Variants in ZFHX3 observed in about 807,000 individuals in gnomAD.
ZFHX3 encodes the protein zinc finger homeobox 3.
ZFHX3 carries 42 observed loss-of-function variants against 279.1 expected under a neutral mutation model. That is an observed-to-expected ratio of 0.15 (90% CI 0.12 to 0.19). ZFHX3 has a LOEUF of 0.19. Ranked by LOEUF, ZFHX3 falls within the 10% of genes least tolerant of loss-of-function variation. The pLI is 1.00. For missense variants in ZFHX3, 4,981 were observed against 4,754.0 expected, an observed-to-expected ratio of 1.05 and a Z score of -1.40; for synonymous variants, 2,293 against 1,957.8, an observed-to-expected ratio of 1.17 and a Z score of -4.52.
chr16:73,807,144 A>G (rs984446211), intron 1 of ZFHX3, among the ~76,000 whole-genome samples: 12 of 152,242 alleles, frequency 7.9e-5, no homozygotes, highest in Non-Finnish European at 1.6e-4. Flanking sequence ...AAGAGGCAGC[A>G]GGGACCGCTG....
At chr16:73,430,061 A>T (rs998297113) in intron 3 of ZFHX3, among the ~76,000 whole-genome samples, 37 of 151,382 alleles carry the variant, frequency 2.4e-4, no homozygotes, top group Middle Eastern at 3.4e-3. Flanking sequence ...AATTAAAAAA[A>T]TTTTTTTTTG....
chr16:73,409,530 A>C (rs888929874), intron 3 of ZFHX3, among the ~76,000 whole-genome samples: 37 of 152,240 alleles, frequency 2.4e-4, no homozygotes, highest in Non-Finnish European at 8.8e-5. Flanking sequence ...AATGTAAATT[A>C]GTACAACCAC....
chr16:72,805,911 A>AGAT (rs2036250346), intron 7 of ZFHX3: 1 of 148,432 alleles, frequency 6.7e-6, no homozygotes, highest in Non-Finnish European at 1.5e-5. Context: ...TTTTTTTTTG[A>AGAT]GATAGTCTCA....
At chr16:73,648,852 C>G (rs2052645012) in intron 2 of ZFHX3, among the ~76,000 whole-genome samples, 1 of 152,202 alleles carries the variant, frequency 6.6e-6, no homozygotes, top group Admixed American at 6.5e-5. Context: ...TCTTTTCCTT[C>G]AAAATCACTT....
At chr16:73,707,257 G>A (rs542373761) in intron 1 of ZFHX3, among the ~76,000 whole-genome samples, 9 of 152,232 alleles carry the variant, frequency 5.9e-5, no homozygotes, top group African/African-American at 1.7e-4. Context: ...AGCAAAACAT[G>A]TCTACCCATA....
At chr16:73,199,839 C>T (rs573274696) in intron 5 of ZFHX3, among the ~76,000 whole-genome samples, 1 of 152,212 alleles carries the variant, frequency 6.6e-6, no homozygotes, top group East Asian at 1.9e-4. Flanking sequence ...TGTTATGCTA[C>T]TGAAGTCTAT....
chr16:73,027,436 G>C (rs182312414), intron 1 of ZFHX3, among the ~76,000 whole-genome samples: 1 of 152,148 alleles, frequency 6.6e-6, no homozygotes, highest in South Asian at 2.1e-4. Flanking sequence ...GCATGCAGGC[G>C]GGGTGTTCAA....
chr16:72,857,745 A>C (rs1442288309), intron 4 of ZFHX3, among the ~76,000 whole-genome samples: 1 of 152,252 alleles, frequency 6.6e-6, no homozygotes, highest in East Asian at 1.9e-4. Flanking sequence ...TTCCAAGTTA[A>C]CAAAAGCTGA....
At chr16:72,947,551 G>C (rs1363022618) in intron 3 of ZFHX3, among the ~76,000 whole-genome samples, 3 of 152,154 alleles carry the variant, frequency 2.0e-5, no homozygotes, top group Non-Finnish European at 4.4e-5. Context: ...ACATGAAAAA[G>C]GAACAGGAGG....
chr16:73,049,116 G>A (rs1215798447), upstream of ZFHX3, among the ~76,000 whole-genome samples: 2 of 152,142 alleles, frequency 1.3e-5, no homozygotes, highest in East Asian at 1.9e-4. Flanking sequence ...ATTGCTGGGC[G>A]CCTTCTATCT....
At chr16:73,742,578 G>C (rs2053668898) in intron 1 of ZFHX3, among the ~76,000 whole-genome samples, 1 of 152,192 alleles carries the variant, frequency 6.6e-6, no homozygotes, top group African/African-American at 2.4e-5. Flanking sequence ...TTGGAGGGGT[G>C]AGGGTAGATA....
intron 1 of ZFHX3, among the ~76,000 whole-genome samples, chr16:73,032,606 A>C (rs1302943586): frequency 6.6e-6 from 1 of 152,142 alleles, no homozygotes; most frequent in East Asian, 1.9e-4. Context: ...TTTCCTCTTC[A>C]GTGCTCTTCA....
At chr16:72,822,424 C>A (rs1459101859) in intron 5 of ZFHX3, among the ~76,000 whole-genome samples, 2 of 152,198 alleles carry the variant, frequency 1.3e-5, no homozygotes, top group African/African-American at 4.8e-5. Context: ...AGTTCCCAAT[C>A]TGTGAGGCTT....
At chr16:73,200,799 T>C (rs1459664525) in intron 5 of ZFHX3, among the ~76,000 whole-genome samples, 1 of 152,190 alleles carries the variant, frequency 6.6e-6, no homozygotes, top group Non-Finnish European at 1.5e-5. Context: ...TATTTAGCAT[T>C]TGAATATTTT....
chr16:73,864,517 G>A (rs540649151), intron 1 of ZFHX3, among the ~76,000 whole-genome samples: 23 of 152,298 alleles, frequency 1.5e-4, no homozygotes, highest in Non-Finnish European at 2.6e-4. Context: ...CCAGGAGCTC[G>A]AGACCAGCCT....
At chr16:73,316,299 G>A (rs1226313088) in intron 4 of ZFHX3, among the ~76,000 whole-genome samples, 1 of 152,188 alleles carries the variant, frequency 6.6e-6, no homozygotes, top group African/African-American at 2.4e-5. Flanking sequence ...ATTTAAAGGT[G>A]ACAGGACACG....
chr16:73,653,713 T>C (rs192356680), intron 2 of ZFHX3, among the ~76,000 whole-genome samples: 15 of 151,670 alleles, frequency 9.9e-5, no homozygotes, highest in Admixed American at 7.2e-4. Context: ...GAAAGTAAAA[T>C]AGTATATAAA....
At chr16:73,181,460 C>A (rs760364955) in intron 5 of ZFHX3, among the ~76,000 whole-genome samples, 2 of 152,116 alleles carry the variant, frequency 1.3e-5, no homozygotes, top group Non-Finnish European at 2.9e-5. Context: ...AGGACCATCA[C>A]CCCAAACCAC....
intron 5 of ZFHX3, among the ~76,000 whole-genome samples, chr16:73,147,691 C>CAAAAAAAA (rs56079754): frequency 5.6e-4 from 23 of 40,896 alleles, no homozygotes; most frequent in African/African-American, 2.3e-3. Context: ...GACTCCGTCT[C>CAAAAAAAA]AAAAAAAAAA....
Sources: allele counts gnomAD v4.1 joint callset (sites outside exome capture counted in the v4.1 genomes callset), GRCh38; gene constraint gnomAD v4.1.1; transcripts MANE v1.5; gene names NCBI Gene and HGNC (gene_info 2026-07-23, HGNC 2026-07-21).